Variants in DLC1 observed in about 807,000 individuals in gnomAD.
The protein encoded by DLC1 is rho GTPase-activating protein 7.
A neutral mutation model predicts 140.3 loss-of-function variants in DLC1; 54 were observed. The ratio of observed to expected loss-of-function variants is 0.38; its 90% CI spans 0.31 to 0.48. DLC1 has a LOEUF of 0.48. Ranked by LOEUF, DLC1 falls within the 20% of genes least tolerant of loss-of-function variation. DLC1 has a pLI of 0.96. For synonymous variants in DLC1, 986 were observed against 728.1 expected (o/e 1.35, Z -5.70); for missense variants, 2,536 against 1,907.0 (o/e 1.33, Z -6.14).
At chr8:13,534,762 C>A (rs1803215143) in intron 1 of DLC1, among the ~76,000 whole-genome samples, 2 of 152,124 alleles carry the variant, frequency 1.3e-5, no homozygotes, top group African/African-American at 4.8e-5. Context: ...AGGACTGACA[C>A]CAGCAATATT....
chr8:13,359,576 C>G (rs950092106), intron 4 of DLC1, among the ~76,000 whole-genome samples: 8 of 152,118 alleles, frequency 5.3e-5, no homozygotes, highest in Admixed American at 2.0e-4. Flanking sequence ...GGAAAGGAAA[C>G]TCCACAAATC....
intron 2 of DLC1, among the ~76,000 whole-genome samples, chr8:13,417,970 A>G (rs1169328188): frequency 6.6e-6 from 1 of 152,144 alleles, no homozygotes; most frequent in African/African-American, 2.4e-5. Flanking sequence ...GCCAGTGATG[A>G]TGAGCATTTT....
chr8:13,200,282 T>C lies in DLC1; in HGVS notation c.1349-84625A>G, dbSNP rs549987772. Among the ~76,000 whole-genome samples, 487 of 152,128 alleles carry C rather than the reference T, an allele frequency of 3.2e-3. 3 individuals carry two copies. The highest frequency in any genetic ancestry group is 0.011 in the African/African-American group (464 of 41,530). On this transcript the variant is annotated intron_variant, in intron 5 of 17. Transcript: ENST00000276297. The stretch of plus-strand genomic sequence containing the variant: ...TTTCACTATGTTGGCCAGGCTTGTC[T>C]CGAACTCCTGACATCATGATCTGCC...
chr8:13,411,974 A>G (rs1837802276), intron 2 of DLC1, among the ~76,000 whole-genome samples: 1 of 152,158 alleles, frequency 6.6e-6, no homozygotes, highest in African/African-American at 2.4e-5. Context: ...AAAATTGTAA[A>G]ATCTTTTTTA....
At chr8:13,497,724 A>C (rs1801578217) in intron 2 of DLC1, among the ~76,000 whole-genome samples, 1 of 152,204 alleles carries the variant, frequency 6.6e-6, no homozygotes, top group African/African-American at 2.4e-5. Context: ...GCATTCCCTC[A>C]AACAGATTTG....
At chr8:13,394,731 A>T (rs1368302055) in intron 3 of DLC1, among the ~76,000 whole-genome samples, 1 of 152,150 alleles carries the variant, frequency 6.6e-6, no homozygotes, top group Non-Finnish European at 1.5e-5. Context: ...TAGCTTTGCC[A>T]TTCTCTTGTT....
At chr8:13,171,537 C>T (rs577332663) in intron 5 of DLC1, among the ~76,000 whole-genome samples, 2 of 151,974 alleles carry the variant, frequency 1.3e-5, no homozygotes, top group Admixed American at 6.6e-5. Flanking sequence ...ACTACAGGTG[C>T]GTGCCACCAT....
At chr8:13,318,623 A>T (rs1671401) in intron 4 of DLC1, among the ~76,000 whole-genome samples, 147,749 of 152,264 alleles carry the variant, frequency 0.97, 71,854 homozygotes, top group Middle Eastern at 1. Context: ...ATTGGTATGG[A>T]TTTTAATTGC....
chr8:13,334,229 A>G (rs1833725237), intron 4 of DLC1, among the ~76,000 whole-genome samples: 1 of 151,864 alleles, frequency 6.6e-6, no homozygotes, highest in Non-Finnish European at 1.5e-5. Context: ...AGCAGGGGGG[A>G]GTTGCAGATG....
At chr8:13,406,422 G>A (rs1276307557) in intron 2 of DLC1, among the ~76,000 whole-genome samples, 1 of 151,972 alleles carries the variant, frequency 6.6e-6, no homozygotes, top group Non-Finnish European at 1.5e-5. Flanking sequence ...TCATATTTGT[G>A]CAGCTATAAA....
At chr8:13,137,604 T>TGTG (rs5889423) in intron 5 of DLC1, among the ~76,000 whole-genome samples, 3 of 60,764 alleles carry the variant, frequency 4.9e-5, no homozygotes, top group South Asian at 5.6e-4. Flanking sequence ...TTTGGTTTTG[T>TGTG]TTTTTTTTTT....
chr8:13,103,868 G>C (rs912836614), intron 7 of DLC1, among the ~76,000 whole-genome samples: 2 of 130,222 alleles, frequency 1.5e-5, no homozygotes, highest in Non-Finnish European at 3.5e-5. Flanking sequence ...AAGAAAGAAA[G>C]AAAAGAAAAG....
chr8:13,423,789 T>C (rs1320472842), intron 2 of DLC1, among the ~76,000 whole-genome samples: 2 of 152,140 alleles, frequency 1.3e-5, no homozygotes, highest in Non-Finnish European at 2.9e-5. Context: ...CCATTAGTAA[T>C]AAAATAATTC....
intron 16 of DLC1, 30 bp downstream of exon 16, chr8:13,088,457 G>C (rs1407867429): frequency 6.2e-7 from 1 of 1,610,556 alleles, no homozygotes; most frequent in Non-Finnish European, 8.5e-7. Context: ...AGTCATCCTT[G>C]TCACAAAAAA....
chr8:13,365,869 G>A (rs1305867762), intron 4 of DLC1, among the ~76,000 whole-genome samples: 2 of 152,058 alleles, frequency 1.3e-5, no homozygotes, highest in Admixed American at 1.3e-4. Context: ...CCATATGAGA[G>A]GCACCTAAGT....
At chr8:13,552,722 T>G (rs1172538014) in intron 1 of DLC1, among the ~76,000 whole-genome samples, 1 of 151,834 alleles carries the variant, frequency 6.6e-6, no homozygotes, top group African/African-American at 2.4e-5. Context: ...TAAAGGGTTT[T>G]GTCATATTTT....
At chr8:13,511,711 A>G (rs929050237) in intron 1 of DLC1, among the ~76,000 whole-genome samples, 4 of 152,074 alleles carry the variant, frequency 2.6e-5, no homozygotes, top group African/African-American at 9.7e-5. Context: ...TCCTCTTCCA[A>G]TTCTCATGTG....
At chr8:13,096,589 A>G (rs1168161643) in intron 10 of DLC1, among the ~76,000 whole-genome samples, 1 of 152,132 alleles carries the variant, frequency 6.6e-6, no homozygotes, top group African/African-American at 2.4e-5. Context: ...CCCCACCGAG[A>G]ATCTGAAGCA....
intron 5 of DLC1, among the ~76,000 whole-genome samples, chr8:13,171,702 A>C (rs1825492910): frequency 1.3e-5 from 2 of 152,202 alleles, no homozygotes; most frequent in Non-Finnish European, 2.9e-5. Context: ...CTTCCTTTTA[A>C]AAAGTAGTTT....
Sources: allele counts gnomAD v4.1 joint callset (sites outside exome capture counted in the v4.1 genomes callset), GRCh38; gene constraint gnomAD v4.1.1; transcripts MANE v1.5; gene names NCBI Gene and HGNC (gene_info 2026-07-23, HGNC 2026-07-21).